Variants in DENND1A observed in about 807,000 individuals in gnomAD.
DENND1A encodes the protein DENN domain containing 1A.
DENND1A carries 51 observed loss-of-function variants against 113.7 expected under a neutral mutation model. That is an observed-to-expected ratio of 0.45 (90% CI 0.36 to 0.57). The LOEUF (loss-of-function observed/expected upper bound fraction) is 0.57, where lower values mean the gene tolerates loss of function less well. DENND1A is among the 20% of genes least tolerant of loss of function. The probability of loss-of-function intolerance (pLI) is 0.00; values close to 1 mark genes in which losing one functional copy is unlikely to be tolerated. For synonymous variants in DENND1A, 565 were observed against 570.8 expected (o/e 0.99, Z 0.14); for missense variants, 1,258 against 1,395.9 (o/e 0.90, Z 1.57).
chr9:123,763,302 G>A (rs532086407), intron 4 of DENND1A, among the ~76,000 whole-genome samples: 1 of 152,258 alleles, frequency 6.6e-6, no homozygotes, highest in East Asian at 1.9e-4. Flanking sequence ...GGAGAGTAGA[G>A]ATGGAGAGGG....
intron 22 of DENND1A, among the ~76,000 whole-genome samples, chr9:123,386,642 C>T (rs1257091749): frequency 1.3e-5 from 2 of 152,154 alleles, no homozygotes; most frequent in African/African-American, 4.8e-5. Context: ...CTTTGGCCTC[C>T]CAAAGTGCTG....
intron 13 of DENND1A, among the ~76,000 whole-genome samples, chr9:123,466,159 C>T (rs371106759): frequency 2.3e-4 from 35 of 152,134 alleles, no homozygotes; most frequent in African/African-American, 7.7e-4. Flanking sequence ...CCACCACACC[C>T]GGCTAATTTT....
chr9:123,443,946 G>C (rs934157945), intron 18 of DENND1A, among the ~76,000 whole-genome samples: 3 of 151,848 alleles, frequency 2.0e-5, no homozygotes, highest in Non-Finnish European at 2.9e-5. Context: ...AACAGAGTGA[G>C]ACCCTGTCTC....
intron 12 of DENND1A, among the ~76,000 whole-genome samples, chr9:123,562,154 T>C (rs1589145021): frequency 6.6e-6 from 1 of 152,244 alleles, no homozygotes; most frequent in East Asian, 1.9e-4. Context: ...ATCATCACCT[T>C]CAGAAAAACA....
chr9:123,498,216 C>T (rs1396462070), intron 13 of DENND1A, among the ~76,000 whole-genome samples: 1 of 152,146 alleles, frequency 6.6e-6, no homozygotes, highest in Admixed American at 6.5e-5. Flanking sequence ...TTATAGGGTC[C>T]CTATTATGTG....
intron 1 of DENND1A, among the ~76,000 whole-genome samples, chr9:123,924,648 CAA>C (rs754322241): frequency 1.0e-4 from 11 of 105,136 alleles, no homozygotes; most frequent in Non-Finnish European, 4.2e-5. Context: ...GAAACTGTCT[CAA>C]AAAAAAAAAA....
chr9:123,720,065 C>G (rs2067234036), intron 5 of DENND1A, among the ~76,000 whole-genome samples: 1 of 152,176 alleles, frequency 6.6e-6, no homozygotes, highest in Non-Finnish European at 1.5e-5. Context: ...GATTTAATTT[C>G]CATACTGAAA....
At chr9:123,672,255 T>G (rs1035803921) in intron 6 of DENND1A, among the ~76,000 whole-genome samples, 2 of 152,276 alleles carry the variant, frequency 1.3e-5, no homozygotes, top group Non-Finnish European at 2.9e-5. Context: ...AAAAAGAAGA[T>G]GCACCCAGAC....
Position 123,863,228 on chromosome 9 carries a change from T to A in DENND1A, c.88+15723A>T, listed in dbSNP as rs1248893803. On this transcript the variant is annotated intron_variant, in intron 2 of 23. Transcript: ENST00000394215. ...ATCCCCAGGAAAATTAGGATGGCAC[T>A]ATGAGGACCAGAACACAAAGTAGGA... is the stretch of plus-strand genomic sequence containing the variant. Among the ~76,000 whole-genome samples the A allele has an allele frequency of 2.0e-5, 3 of 152,144 alleles. No individual in the cohort carries two copies. In the East Asian group the frequency reaches 5.8e-4, roughly 29 times the overall value.
chr9:123,736,178 G>C (rs1474965767), intron 5 of DENND1A, among the ~76,000 whole-genome samples: 1 of 152,184 alleles, frequency 6.6e-6, no homozygotes, highest in East Asian at 1.9e-4. Context: ...ATAAACAAAA[G>C]AAGGTCTTCA....
chr9:123,588,850 C>G (rs1248099530), intron 11 of DENND1A, among the ~76,000 whole-genome samples: 1 of 151,672 alleles, frequency 6.6e-6, no homozygotes, highest in African/African-American at 2.4e-5. Context: ...TCACTGCAAC[C>G]TCTGCCTCCT....
chr9:123,720,368 G>A (rs2067252213), intron 5 of DENND1A, among the ~76,000 whole-genome samples: 1 of 152,110 alleles, frequency 6.6e-6, no homozygotes, highest in South Asian at 2.1e-4. Context: ...TGTGCATGCT[G>A]GGGGGCAAAA....
At chr9:123,854,234 C>G (rs1459322544) in intron 2 of DENND1A, among the ~76,000 whole-genome samples, 3 of 152,184 alleles carry the variant, frequency 2.0e-5, no homozygotes, top group African/African-American at 7.2e-5. Flanking sequence ...CAACATTCAT[C>G]CTAGCCCTCA....
chr9:123,768,709 A>C (rs2799463), intron 4 of DENND1A, among the ~76,000 whole-genome samples: 48,437 of 151,774 alleles, frequency 0.32, 11,393 homozygotes, highest in African/African-American at 0.66. Flanking sequence ...AAAACTAATG[A>C]TTCAACTGTA....
chr9:123,778,218 C>G (rs1439006377), intron 3 of DENND1A, among the ~76,000 whole-genome samples: 1 of 152,166 alleles, frequency 6.6e-6, no homozygotes, highest in Admixed American at 6.5e-5. Flanking sequence ...TTTCATTTTA[C>G]TTTGCATATC....
chr9:123,513,132 C>A (rs368167955), intron 13 of DENND1A, among the ~76,000 whole-genome samples: 1 of 152,296 alleles, frequency 6.6e-6, no homozygotes, highest in South Asian at 2.1e-4. Flanking sequence ...CTCCGGAGTC[C>A]GGTGAGGTGG....
At chr9:123,557,831 C>CA in intron 12 of DENND1A, 136 bp from the exon 13 acceptor site, 1 of 1,045,890 alleles carries the variant, frequency 9.6e-7, no homozygotes, top group East Asian at 2.7e-5. Context: ...ACTGGGAGGA[C>CA]AAAAACGTGT....
At chr9:123,415,776 C>T (rs1008221933) in intron 19 of DENND1A, among the ~76,000 whole-genome samples, 10 of 152,194 alleles carry the variant, frequency 6.6e-5, no homozygotes, top group Admixed American at 5.9e-4. Context: ...TGGCACTTCA[C>T]GCAGGGCCAG....
intron 13 of DENND1A, among the ~76,000 whole-genome samples, chr9:123,520,300 T>C (rs1477023336): frequency 6.6e-6 from 1 of 150,590 alleles, no homozygotes; most frequent in East Asian, 2.0e-4. Context: ...CTACTAAAAG[T>C]ACAAAAAAAT....
Sources: allele counts gnomAD v4.1 joint callset (sites outside exome capture counted in the v4.1 genomes callset), GRCh38; gene constraint gnomAD v4.1.1; transcripts MANE v1.5; gene names NCBI Gene and HGNC (gene_info 2026-07-23, HGNC 2026-07-21).